Variants in HELQ observed in about 807,000 individuals in gnomAD.
The protein encoded by HELQ is helicase, POLQ like.
In HELQ, 77 loss-of-function variants were observed where a neutral mutation model predicts 111.6. That is an observed-to-expected ratio of 0.69 (90% CI 0.57 to 0.83). The LOEUF (loss-of-function observed/expected upper bound fraction) is 0.83, where lower values mean the gene tolerates loss of function less well. Among genes scored for constraint, HELQ ranks in the 40% least tolerant of loss-of-function variants. HELQ has a pLI of 0.00. For missense variants in HELQ, 1,200 were observed against 1,288.5 expected, an observed-to-expected ratio of 0.93 and a Z score of 1.05; for synonymous variants, 438 against 454.7, an observed-to-expected ratio of 0.96 and a Z score of 0.47.
At chr4:83,417,445 C>T (rs1200339714) in intron 16 of HELQ, among the ~76,000 whole-genome samples, 1 of 152,066 alleles carries the variant, frequency 6.6e-6, no homozygotes, top group Non-Finnish European at 1.5e-5. Flanking sequence ...TCAATTGATC[C>T]ACCCACCTTG....
intron 9 of HELQ, among the ~76,000 whole-genome samples, chr4:83,436,116 AAAGT>A (rs1484298962): frequency 4.6e-5 from 7 of 152,138 alleles, no homozygotes; most frequent in African/African-American, 1.7e-4. Context: ...TGAAATATAA[AAAGT>A]AATAACTTCT....
intron 12 of HELQ, among the ~76,000 whole-genome samples, chr4:83,428,463 A>G (rs770250946): frequency 6.6e-6 from 1 of 152,144 alleles, no homozygotes; most frequent in African/African-American, 2.4e-5. Context: ...TGCGGGGCTG[A>G]GGTGGGAGAA....
At chr4:83,415,197 G>T (rs928585598) in intron 17 of HELQ, among the ~76,000 whole-genome samples, 4 of 152,298 alleles carry the variant, frequency 2.6e-5, no homozygotes, top group Admixed American at 6.5e-5. Context: ...GGAGCAGAAG[G>T]CAATGGCAAA....
intron 16 of HELQ, among the ~76,000 whole-genome samples, chr4:83,417,116 AC>A (rs1278283566): frequency 2.6e-5 from 4 of 152,024 alleles, no homozygotes; most frequent in African/African-American, 9.7e-5. Flanking sequence ...AAGAAAAGAA[AC>A]CCACTTAGGT....
rs1242153011 is a variant in HELQ, at chr4:83,452,420, C to T, written c.1012+811G>A. Among the ~76,000 whole-genome samples the T allele has an allele frequency of 2.6e-5, 4 of 152,152 alleles. No homozygotes were observed. In the East Asian group the frequency reaches 7.7e-4, roughly 29 times the overall value. The stretch of plus-strand genomic sequence containing the variant: ...ATGTCTAGCTTTGGGAAAGGCAGCA[C>T]AAGGCAGAGCATCTGGGTGGTGGCA... On this transcript the variant is annotated intron_variant, in intron 2 of 17. Transcript: ENST00000295488.
At chr4:83,440,624 A>G (rs920568608) in intron 7 of HELQ, among the ~76,000 whole-genome samples, 7 of 152,212 alleles carry the variant, frequency 4.6e-5, no homozygotes, top group Admixed American at 4.6e-4. Context: ...CCCCTTTTTA[A>G]TATCCTTCAT....
chr4:83,439,236 T>A (rs1720631085), intron 8 of HELQ, among the ~76,000 whole-genome samples: 2 of 151,632 alleles, frequency 1.3e-5, no homozygotes, highest in South Asian at 4.2e-4. Flanking sequence ...CCCAGCTAAT[T>A]TGGTATTTTC....
intron 17 of HELQ, among the ~76,000 whole-genome samples, chr4:83,408,261 T>A (rs1487575225): frequency 6.6e-6 from 1 of 152,104 alleles, no homozygotes; most frequent in African/African-American, 2.4e-5. Flanking sequence ...ACCCGCCTTT[T>A]TTTCTTTTTT....
At position 83,440,021 on chromosome 4, in the gene HELQ, A is replaced by G. The variant is rs766174641; in HGVS notation, c.1663-13T>C. ...GGGTATCAGAATACTGCAAAACAAC[A>G]AGATGTAGGAACAAAGTGGTTAGTA... On this transcript the variant is annotated splice_polypyrimidine_tract_variant and intron_variant, in intron 7 of 17. Transcript: ENST00000295488. 5.0e-6 allele frequency: 8 copies of G among 1,600,066 alleles called. No individual in the cohort carries two copies. The highest frequency in any genetic ancestry group is 6.8e-6 in the Non-Finnish European group (8 of 1,174,676).
chr4:83,419,141 CT>C (rs1220266201), intron 15 of HELQ, among the ~76,000 whole-genome samples: 1 of 150,448 alleles, frequency 6.6e-6, no homozygotes, highest in Non-Finnish European at 1.5e-5. Context: ...AATTGGTAAA[CT>C]TTCTTACAAC....
chr4:83,443,536 T>C lies in HELQ; in HGVS notation c.1544A>G (p.Tyr515Cys), dbSNP rs937257649. The change falls in exon 6 of 18, where the codon TAT (tyrosine) becomes TGT (cysteine). Residue 515 changes from tyrosine (Y) to cysteine (C), a missense_variant. Tyr to Cys is a radical substitution (Grantham distance 194). Around this residue, in one of 3 missense-constraint regions of HELQ, gnomAD observed 5 missense variants for 16.1 expected, o/e 0.31. Coordinates refer to ENST00000295488, the MANE Select transcript of HELQ (RefSeq NM_133636.5). ...ACATACTGGTCTAAATTGACTGGTA[T>C]AATATTCTGCTTGAAGAAACTTTTG... ...DLQKFLQAEYYTSQFRPVELK... is the reference protein window; with the variant it reads ...DLQKFLQAEYCTSQFRPVELK... The C allele has an allele frequency of 6.4e-7, 1 of 1,556,502 alleles. No homozygotes were observed. Among genetic ancestry groups the C allele is most frequent in the Non-Finnish European group, 8.8e-7 (1 of 1,130,034 alleles).
At chr4:83,425,406 T>C (rs2109979340) in intron 14 of HELQ, among the ~76,000 whole-genome samples, 1 of 152,280 alleles carries the variant, frequency 6.6e-6, no homozygotes, top group South Asian at 2.1e-4. Context: ...TAACATTCTC[T>C]TAAGGAAATC....
rs897036396 is a variant in HELQ at position 83,455,786 on chromosome 4, C to T, written c.-93G>A. The T allele has an allele frequency of 1.0e-5, 13 of 1,256,436 alleles. No individual in the cohort carries two copies. Among genetic ancestry groups the T allele is most frequent in the African/African-American group, 1.5e-5 (1 of 67,334 alleles). The allele number at this position is 1,256,436 out of a possible 1,614,324, so 77.8% of individuals were successfully genotyped here. On this transcript the variant is annotated 5_prime_UTR_variant, in exon 1 of 18. It removes the in-frame stop codon of an upstream open reading frame in the 5' UTR. Coordinates refer to ENST00000295488, the MANE Select transcript of HELQ (RefSeq NM_133636.5). ...GAGAGTGGGACGCCGGAGCCCGCTT[C>T]TACATCCACCTTGGGAAAAGACCCC...
At position 83,446,091 on chromosome 4, in the gene HELQ, G is replaced by A. The variant is rs547620957; in HGVS notation, c.1393-5C>T. Reference sequence around the variant, plus strand: ...TCCTTCACCAATCATGTGCAACTTCGAGATTTTTTTTAAAAAGGACAGAGA... The same window carrying A: ...TCCTTCACCAATCATGTGCAACTTCAAGATTTTTTTTAAAAAGGACAGAGA... On this transcript the variant is annotated splice_polypyrimidine_tract_variant and splice_region_variant and intron_variant, in intron 4 of 17. Transcript: ENST00000295488. The A allele has an allele frequency of 1.9e-6, 3 of 1,609,504 alleles. No homozygotes were observed. Among genetic ancestry groups the A allele is most frequent in the East Asian group, 2.2e-5 (1 of 44,812 alleles).
rs377687319 is a variant in HELQ at position 83,426,025 on chromosome 4, C to T, written c.2744G>A (p.Gly915Glu). 3.1e-6 allele frequency: 5 copies of T among 1,607,292 alleles called. No individual in the cohort carries two copies. The highest frequency in any genetic ancestry group is 4.3e-6 in the Non-Finnish European group (5 of 1,174,662). ...AILGVSESFI[G>E]KKASGQAIGK... is the part of the protein sequence containing the mutation. ...GATGGCTTGGCCTGATGCTTTCTTC[C>T]CAATAAAGCTTTCAGAGACTCCAAG... Residue 915 changes from glycine to glutamate, a missense_variant, in exon 14 of 18, where the codon GGG becomes GAG. Coordinates refer to ENST00000295488, the MANE Select transcript of HELQ (RefSeq NM_133636.5).
At chr4:83,415,525 A>G (rs1271074135) in intron 17 of HELQ, among the ~76,000 whole-genome samples, 1 of 152,174 alleles carries the variant, frequency 6.6e-6, no homozygotes. Flanking sequence ...TCAAAGGTGG[A>G]GAGACCAGAT....
intron 17 of HELQ, among the ~76,000 whole-genome samples, chr4:83,413,383 T>C (rs2109962514): frequency 6.6e-6 from 1 of 152,272 alleles, no homozygotes; most frequent in East Asian, 1.9e-4. Context: ...CACAGAAATC[T>C]TCTGTCTGTG....
intron 5 of HELQ, among the ~76,000 whole-genome samples, chr4:83,444,739 T>C (rs1473831739): frequency 2.6e-5 from 4 of 152,202 alleles, no homozygotes; most frequent in African/African-American, 9.7e-5. Flanking sequence ...ATCCTTCTCA[T>C]TCCATAAGGA....
intron 17 of HELQ, among the ~76,000 whole-genome samples, chr4:83,415,017 G>GT (rs887369541): frequency 4.3e-4 from 65 of 152,260 alleles, no homozygotes; most frequent in African/African-American, 1.6e-3. Flanking sequence ...TTAAGGTAAT[G>GT]TAAGCAATGT....
Sources: gnomAD v4.1 joint callset for allele counts (sites outside exome capture counted in the v4.1 genomes callset) on GRCh38, gnomAD v4.1.1 for gene constraint, gnomAD v4.1.1 regional missense constraint, MANE v1.5 for transcripts, NCBI Gene and HGNC (gene_info 2026-07-23, HGNC 2026-07-21) for gene names.